Variants in MAPKAP1 observed in about 807,000 individuals in gnomAD.
The protein encoded by MAPKAP1 is target of rapamycin complex 2 subunit MAPKAP1.
MAPKAP1 carries 20 observed loss-of-function variants against 65.7 expected under a neutral mutation model. The ratio of observed to expected loss-of-function variants is 0.30; its 90% CI spans 0.21 to 0.44. MAPKAP1 has a LOEUF of 0.44. Ranked by LOEUF, MAPKAP1 falls within the 20% of genes least tolerant of loss-of-function variation. The probability of loss-of-function intolerance (pLI) is 1.00; values close to 1 mark genes in which losing one functional copy is unlikely to be tolerated. For missense variants in MAPKAP1, 423 were observed against 648.0 expected (o/e 0.65, Z 3.77); for synonymous variants, 222 against 244.3 (o/e 0.91, Z 0.85).
intron 4 of MAPKAP1, among the ~76,000 whole-genome samples, chr9:125,618,273 G>T (rs1475633816): frequency 6.9e-6 from 1 of 145,680 alleles, no homozygotes; most frequent in Admixed American, 7.0e-5. Context: ...ACCTGGAAGG[G>T]TGAGGTTGCA....
chr9:125,654,027 T>C (rs1023307667), intron 4 of MAPKAP1, among the ~76,000 whole-genome samples: 8 of 152,336 alleles, frequency 5.3e-5, no homozygotes, highest in Admixed American at 5.2e-4. Context: ...GAAAGTGATA[T>C]GGCATAAAAT....
At chr9:125,681,330 T>C (rs953632821) in intron 1 of MAPKAP1, among the ~76,000 whole-genome samples, 21 of 152,320 alleles carry the variant, frequency 1.4e-4, no homozygotes, top group African/African-American at 4.8e-4. Flanking sequence ...GGACCACTTC[T>C]GAATTATGGG....
chr9:125,497,736 T>TA (rs1429149895), intron 8 of MAPKAP1, among the ~76,000 whole-genome samples: 2 of 152,222 alleles, frequency 1.3e-5, no homozygotes, highest in African/African-American at 4.8e-5. Context: ...AATGACAGAC[T>TA]AGTCAGGGAT....
intron 9 of MAPKAP1, among the ~76,000 whole-genome samples, chr9:125,483,088 C>A (rs533943507): frequency 6.6e-6 from 1 of 152,198 alleles, no homozygotes; most frequent in Non-Finnish European, 1.5e-5. Flanking sequence ...ACTCTACTGC[C>A]TCCCAACTAA....
intron 8 of MAPKAP1, among the ~76,000 whole-genome samples, chr9:125,497,216 G>A (rs183180329): frequency 6.6e-6 from 1 of 152,296 alleles, no homozygotes; most frequent in East Asian, 1.9e-4. Flanking sequence ...CACCTGGTGA[G>A]TTGAGGCCCT....
intron 7 of MAPKAP1, among the ~76,000 whole-genome samples, chr9:125,507,461 G>A (rs1370028047): frequency 6.6e-6 from 1 of 152,198 alleles, no homozygotes; most frequent in Non-Finnish European, 1.5e-5. Context: ...TTTTAGATAT[G>A]TTCTTCAGCT....
chr9:125,541,567 G>A (rs953637341), intron 7 of MAPKAP1, among the ~76,000 whole-genome samples: 135 of 152,296 alleles, frequency 8.9e-4, no homozygotes, highest in African/African-American at 3.2e-3. Context: ...CTGTTTAAAA[G>A]CTATTAGATT....
intron 4 of MAPKAP1, among the ~76,000 whole-genome samples, chr9:125,636,891 C>CA (rs1833440576): frequency 6.6e-6 from 1 of 152,138 alleles, no homozygotes; most frequent in South Asian, 2.1e-4. Context: ...CACCTTAGCC[C>CA]AAAAATCTCG....
intron 4 of MAPKAP1, among the ~76,000 whole-genome samples, chr9:125,608,427 C>G (rs1411727611): frequency 6.6e-6 from 1 of 152,136 alleles, no homozygotes; most frequent in East Asian, 1.9e-4. Flanking sequence ...AAAGAGAATT[C>G]AAGTCAAGAA....
chr9:125,513,373 A>C (rs757607100), intron 7 of MAPKAP1, among the ~76,000 whole-genome samples: 15 of 152,206 alleles, frequency 9.9e-5, no homozygotes, highest in Non-Finnish European at 8.8e-5. Context: ...TTTCATGGTT[A>C]TGTCTTCATG....
At chr9:125,673,088 T>G (rs761985276) in intron 1 of MAPKAP1, among the ~76,000 whole-genome samples, 2 of 152,220 alleles carry the variant, frequency 1.3e-5, no homozygotes, top group East Asian at 3.8e-4. Flanking sequence ...CCTCCTGTCA[T>G]ATGATTGTGA....
In MAPKAP1 at chr9:125,684,669, T is replaced by A. The variant is rs534218521; in HGVS notation, c.-69-12026A>T. 1.6e-4 allele frequency among the ~76,000 whole-genome samples: 25 copies of A among 152,274 alleles called. No homozygotes were observed. In the South Asian group the frequency reaches 5.2e-3, roughly 32 times the overall value. The stretch of plus-strand genomic sequence containing the variant: ...CAACTACAATAAAGACAAGTTGCAT[T>A]CCGTAAGACTTAGCCCTTGGTCTGA... On this transcript the variant is annotated intron_variant, in intron 1 of 11. Coordinates refer to ENST00000265960, the MANE Select transcript of MAPKAP1 (RefSeq NM_001006617.3).
At position 125,669,805 on chromosome 9, in the gene MAPKAP1, C is replaced by A; in HGVS notation, c.349+13G>T. ...TAAATCTCAAATTAAGAATTAAAAT[C>A]ATTTCCATTTACCTGATTGCTTAGA... On this transcript the variant is annotated intron_variant, in intron 3 of 11. Coordinates refer to ENST00000265960, the MANE Select transcript of MAPKAP1 (RefSeq NM_001006617.3). 3 of 1,357,462 alleles carry A rather than the reference C, an allele frequency of 2.2e-6. No individual in the cohort carries two copies. The highest frequency in any genetic ancestry group is 1.5e-5 in the African/African-American group (1 of 68,818). 84.1% of individuals were successfully genotyped at this position (1,357,462 alleles called of 1,614,324 possible).
chr9:125,465,076 C>G (rs1342785872), intron 10 of MAPKAP1, among the ~76,000 whole-genome samples: 1 of 152,246 alleles, frequency 6.6e-6, no homozygotes, highest in Admixed American at 6.5e-5. Context: ...GTTTTCACAA[C>G]TAAATTATTC....
At chr9:125,577,382 G>A (rs1248100499) in intron 5 of MAPKAP1, among the ~76,000 whole-genome samples, 3 of 150,518 alleles carry the variant, frequency 2.0e-5, no homozygotes, top group Non-Finnish European at 4.5e-5. Flanking sequence ...CGTCCGGGAG[G>A]GAGGTGGGGG....
intron 10 of MAPKAP1, among the ~76,000 whole-genome samples, chr9:125,465,804 C>A (rs990420527): frequency 6.6e-6 from 1 of 152,076 alleles, no homozygotes; most frequent in African/African-American, 2.4e-5. Context: ...TCCTGGGGGG[C>A]AAAGTGAACA....
intron 4 of MAPKAP1, among the ~76,000 whole-genome samples, chr9:125,619,452 G>A (rs1263456545): frequency 2.6e-5 from 4 of 151,734 alleles, no homozygotes; most frequent in Non-Finnish European, 4.4e-5. Flanking sequence ...ACTCCGGCCT[G>A]GGCGAAAGAG....
At chr9:125,622,958 C>A (rs1245992698) in intron 4 of MAPKAP1, among the ~76,000 whole-genome samples, 1 of 152,154 alleles carries the variant, frequency 6.6e-6, no homozygotes, top group African/African-American at 2.4e-5. Context: ...AGGCACGCGC[C>A]GCCACACCTG....
intron 3 of MAPKAP1, among the ~76,000 whole-genome samples, chr9:125,658,875 C>A (rs1382425928): frequency 6.6e-6 from 1 of 152,106 alleles, no homozygotes; most frequent in Non-Finnish European, 1.5e-5. Context: ...ACGTGTTCAA[C>A]CCCATTCCAC....
Sources: gnomAD v4.1 joint callset for allele counts (sites outside exome capture counted in the v4.1 genomes callset) on GRCh38, gnomAD v4.1.1 for gene constraint, MANE v1.5 for transcripts, NCBI Gene and HGNC (gene_info 2026-07-23, HGNC 2026-07-21) for gene names.